The following KCND3 variants were observed in gnomAD, a reference collection of about 807,000 sequenced individuals.
KCND3 encodes A-type voltage-gated potassium channel KCND3.
KCND3 carries 9 observed loss-of-function variants against 51.1 expected under a neutral mutation model. That is an observed-to-expected ratio of 0.18 (90% CI 0.11 to 0.31). The LOEUF (loss-of-function observed/expected upper bound fraction) is 0.31. Ranked by LOEUF, KCND3 falls within the 10% of genes least tolerant of loss-of-function variation. The probability of loss-of-function intolerance (pLI) is 1.00; values close to 1 mark genes in which losing one functional copy is unlikely to be tolerated. For missense variants in KCND3, 526 were observed against 903.8 expected, an observed-to-expected ratio of 0.58 and a Z score of 5.36; for synonymous variants, 349 against 368.0, an observed-to-expected ratio of 0.95 and a Z score of 0.59.
intron 2 of KCND3, among the ~76,000 whole-genome samples, chr1:111,809,119 T>C (rs1665714922): frequency 6.6e-6 from 1 of 152,046 alleles, no homozygotes. Context: ...CTGGGCTGTG[T>C]TGAGATGGAG....
intron 1 of KCND3, among the ~76,000 whole-genome samples, chr1:111,988,471 C>A (rs1675416195): frequency 6.6e-6 from 1 of 152,032 alleles, no homozygotes; most frequent in Admixed American, 6.6e-5. Flanking sequence ...CAAGTAGAGA[C>A]GAGGAAAAAA....
chr1:111,894,081 T>C lies in KCND3; in HGVS notation c.1106+87540A>G, dbSNP rs114074877. Among the ~76,000 whole-genome samples, 474 of 152,312 alleles carry C rather than the reference T, an allele frequency of 3.1e-3. 5 individuals are homozygous for C. Among genetic ancestry groups the C allele is most frequent in the African/African-American group, 0.011 (453 of 41,578 alleles). On this transcript the variant is annotated intron_variant, in intron 2 of 7. Coordinates refer to ENST00000302127, the MANE Select transcript of KCND3 (RefSeq NM_001378969.1). ...AATCAGCCAACTGCCTCACAGTCTCTAGTGGCTTTCCACTGCACCTAAAAT... is the reference window on the plus strand; with the variant it reads ...AATCAGCCAACTGCCTCACAGTCTCCAGTGGCTTTCCACTGCACCTAAAAT...
At chr1:111,857,052 C>T (rs890188923) in intron 2 of KCND3, 5 of 152,318 alleles carry the variant, frequency 3.3e-5, no homozygotes, top group Admixed American at 2.0e-4. Flanking sequence ...TCCTCCTCCT[C>T]TAACCTTCTC....
At chr1:111,930,592 G>C (rs1446218596) in intron 2 of KCND3, among the ~76,000 whole-genome samples, 1 of 116,304 alleles carries the variant, frequency 8.6e-6, no homozygotes, top group African/African-American at 2.8e-5. Context: ...CTTGATTCTT[G>C]GCTAGGTGCC....
At chr1:111,931,976 T>C (rs1206713139) in intron 2 of KCND3, among the ~76,000 whole-genome samples, 3 of 152,224 alleles carry the variant, frequency 2.0e-5, no homozygotes, top group Non-Finnish European at 4.4e-5. Flanking sequence ...CACCAACGTA[T>C]ACAGTTCTGG....
intron 1 of KCND3, among the ~76,000 whole-genome samples, chr1:111,985,591 C>T (rs1377359280): frequency 6.6e-6 from 1 of 152,204 alleles, no homozygotes; most frequent in African/African-American, 2.4e-5. Flanking sequence ...ATCAACTTTA[C>T]TCTATGCCTT....
At chr1:111,980,664 T>C (rs1317476352) in intron 2 of KCND3, among the ~76,000 whole-genome samples, 1 of 152,192 alleles carries the variant, frequency 6.6e-6, no homozygotes, top group Non-Finnish European at 1.5e-5. Context: ...TTCTAATAGC[T>C]GAGGCAGAAA....
At chr1:111,892,413 T>C (rs946125717) in intron 2 of KCND3, among the ~76,000 whole-genome samples, 1 of 152,222 alleles carries the variant, frequency 6.6e-6, no homozygotes, top group South Asian at 2.1e-4. Context: ...GCAAGTGGTT[T>C]TCCTTCTCAG....
At chr1:111,935,786 C>T (rs1476317839) in intron 2 of KCND3, among the ~76,000 whole-genome samples, 2 of 152,170 alleles carry the variant, frequency 1.3e-5, no homozygotes, top group East Asian at 3.9e-4. Flanking sequence ...GGCCAAGGGT[C>T]CTATAGCCCT....
At chr1:111,961,622 T>A (rs1361372482) in intron 2 of KCND3, among the ~76,000 whole-genome samples, 1 of 152,054 alleles carries the variant, frequency 6.6e-6, no homozygotes, top group African/African-American at 2.4e-5. Flanking sequence ...GTGCCGAAGG[T>A]GTGCATCGTG....
At position 111,776,006 on chromosome 1, in the gene KCND3, C is replaced by G; in HGVS notation, c.*71G>C. 1 of 1,529,448 alleles carries G rather than the reference C, an allele frequency of 6.5e-7. No homozygotes were observed. Among genetic ancestry groups the G allele is most frequent in the Non-Finnish European group, 9.1e-7 (1 of 1,103,834 alleles). 94.7% of individuals were successfully genotyped at this position (1,529,448 alleles called of 1,614,324 possible). A position where few individuals can be genotyped will look rare whatever the true frequency, so the allele number is the denominator to read the frequency against. The stretch of plus-strand genomic sequence containing the variant: ...GGGGAAAGGGGGGAGGGAGTGGTCT[C>G]AGTGACCACCCACCAACATGCCAGT... On this transcript the variant is annotated 3_prime_UTR_variant, in exon 8 of 8. Coordinates refer to ENST00000302127, the MANE Select transcript of KCND3 (RefSeq NM_001378969.1).
intron 2 of KCND3, among the ~76,000 whole-genome samples, chr1:111,877,651 T>G: frequency 6.6e-6 from 1 of 152,292 alleles, no homozygotes; most frequent in Non-Finnish European, 1.5e-5. Flanking sequence ...GAGAGAGGCG[T>G]CATAATGGAG....
At chr1:111,920,315 G>A (rs1161768070) in intron 2 of KCND3, among the ~76,000 whole-genome samples, 5 of 145,850 alleles carry the variant, frequency 3.4e-5, no homozygotes, top group Non-Finnish European at 4.7e-5. Context: ...CCTACAGCCC[G>A]ACCTCACACA....
In KCND3 at chr1:111,982,013, G is replaced by T. The variant is rs184017654; in HGVS notation, c.714C>A (p.Thr238=). The T allele has an allele frequency of 6.2e-7, 1 of 1,613,890 alleles. No homozygotes were observed. Among genetic ancestry groups the T allele is most frequent in the Admixed American group, 1.7e-5 (1 of 60,012 alleles). The change falls in exon 2 of 8, where the codon ACC becomes ACA. Residue 238 remains threonine, a synonymous_variant. Transcript: ENST00000302127. The surrounding 1 kb of genome is among the most constrained non-coding windows in gnomAD (Gnocchi z 8.5). ...CLDTACVMIF[T]VEYLLRLFAA... is the part of the protein sequence containing the mutation. ...CGAAGAGCCGCAGGAGGTACTCCAC[G>T]GTGAAGATCATGACGCACGCCGTGT...
intron 2 of KCND3, among the ~76,000 whole-genome samples, chr1:111,832,017 G>C (rs1006020265): frequency 5.9e-5 from 9 of 152,272 alleles, no homozygotes; most frequent in Admixed American, 5.2e-4. Context: ...ATCCTCAATG[G>C]GGGGAATATA....
At chr1:111,829,939 T>G (rs529364223) in intron 2 of KCND3, among the ~76,000 whole-genome samples, 1 of 152,276 alleles carries the variant, frequency 6.6e-6, no homozygotes, top group East Asian at 1.9e-4. Context: ...GCGTTGACCC[T>G]CTCATGTTCT....
At chr1:111,832,147 A>T (rs1666861431) in intron 2 of KCND3, among the ~76,000 whole-genome samples, 2 of 152,206 alleles carry the variant, frequency 1.3e-5, no homozygotes, top group South Asian at 4.1e-4. Flanking sequence ...CAGACTCAGC[A>T]CACTGTACAT....
intron 2 of KCND3, among the ~76,000 whole-genome samples, chr1:111,794,409 G>A (rs899588803): frequency 3.3e-5 from 5 of 152,208 alleles, no homozygotes; most frequent in Non-Finnish European, 7.3e-5. Flanking sequence ...TGGAGACCAG[G>A]GCACTGGCCG....
chr1:111,889,349 A>T (rs1669721937), intron 2 of KCND3, among the ~76,000 whole-genome samples: 1 of 152,212 alleles, frequency 6.6e-6, no homozygotes, highest in Admixed American at 6.5e-5. Flanking sequence ...ACTGCCTGCA[A>T]TGCCTTCACC....
Sources: gnomAD v4.1 joint callset for allele counts (sites outside exome capture counted in the v4.1 genomes callset) on GRCh38, gnomAD v4.1.1 for gene constraint, Gnocchi (gnomAD v3.1) non-coding constraint, MANE v1.5 for transcripts, NCBI Gene and HGNC (gene_info 2026-07-23, HGNC 2026-07-21) for gene names.